Variants in NEDD9 observed in about 807,000 individuals in gnomAD.
The protein encoded by NEDD9 is neural precursor cell expressed, developmentally down-regulated 9.
In NEDD9, 26 loss-of-function variants were observed where a neutral mutation model predicts 76.6. The observed-to-expected ratio is 0.34, with a 90% CI of 0.25 to 0.47. The LOEUF is 0.47. Among genes scored for constraint, NEDD9 ranks in the 20% least tolerant of loss-of-function variants. NEDD9 has a pLI of 1.00. For synonymous variants in NEDD9, 392 were observed against 414.2 expected (o/e 0.95, Z 0.65); for missense variants, 937 against 1,058.5 (o/e 0.89, Z 1.59).
chr6:11,319,687 GACACTCACACAAACATGC>G (rs1761722179), intron 2 of NEDD9, among the ~76,000 whole-genome samples: 2 of 81,108 alleles, frequency 2.5e-5, no homozygotes, highest in Non-Finnish European at 4.7e-5. Flanking sequence ...CACAAACATG[GACACTCACACAAACATGC>G]ACACACAAAC....
intron 1 of NEDD9, among the ~76,000 whole-genome samples, chr6:11,362,517 G>T (rs4713464): frequency 0.36 from 55,439 of 152,030 alleles, 10,674 homozygotes; most frequent in Admixed American, 0.41. Flanking sequence ...TATATTCTAT[G>T]AGCTTCACAT....
At chr6:11,344,898 T>C (rs949145627) in intron 1 of NEDD9, among the ~76,000 whole-genome samples, 2 of 152,072 alleles carry the variant, frequency 1.3e-5, no homozygotes, top group African/African-American at 4.8e-5. Context: ...TGGGAACAGG[T>C]GTGGAAAAGA....
intron 2 of NEDD9, among the ~76,000 whole-genome samples, chr6:11,332,752 G>A (rs114953022): frequency 4.1e-4 from 62 of 152,286 alleles, no homozygotes; most frequent in African/African-American, 1.5e-3. Flanking sequence ...GCAATGGCAC[G>A]TTCTCAGCAT....
At chr6:11,349,578 C>A (rs748239850) in intron 1 of NEDD9, among the ~76,000 whole-genome samples, 1 of 152,116 alleles carries the variant, frequency 6.6e-6, no homozygotes, top group Admixed American at 6.5e-5. Context: ...CACCATGGAA[C>A]GCTATGCAGC....
chr6:11,333,308 G>A (rs1050155338), intron 2 of NEDD9, among the ~76,000 whole-genome samples: 16 of 152,316 alleles, frequency 1.1e-4, no homozygotes, highest in Admixed American at 7.8e-4. Flanking sequence ...GCACAGGAGC[G>A]TAGGAGAGTT....
chr6:11,302,030 G>GGA (rs1350932698), intron 3 of NEDD9, among the ~76,000 whole-genome samples: 1 of 152,076 alleles, frequency 6.6e-6, no homozygotes, highest in African/African-American at 2.4e-5. Context: ...CAGAACTGAA[G>GGA]GAGAGAGAGA....
rs376141734 is a variant in NEDD9 at position 11,344,336 on chromosome 6, G to GTT, written c.-213-9777_-213-9776dup. ...TTGGAAAGTCCCCGTTGTTGAAGAT[G>GTT]TTTATCCTGGAGAAAGAGGGCACCT... is the stretch of plus-strand genomic sequence containing the variant. On this transcript the variant is annotated intron_variant, in intron 1 of 3. Coordinates refer to the NEDD9 transcript ENST00000397378. 2.1e-3 allele frequency among the ~76,000 whole-genome samples: 322 copies of GTT among 152,300 alleles called. 4 individuals are homozygous for GTT. Among genetic ancestry groups the GTT allele is most frequent in the African/African-American group, 7.1e-3 (296 of 41,564 alleles).
At chr6:11,207,016 A>G (rs1240495078) in intron 2 of NEDD9, among the ~76,000 whole-genome samples, 1 of 152,244 alleles carries the variant, frequency 6.6e-6, no homozygotes, top group African/African-American at 2.4e-5. Flanking sequence ...GAAATGTACA[A>G]TTCTGGAACA....
rs1234315363 is a variant in NEDD9 at position 11,220,002 on chromosome 6, G to T, written c.13-6275C>A. On this transcript the variant is annotated intron_variant, in intron 1 of 6. Coordinates refer to ENST00000379446, the MANE Select transcript of NEDD9 (RefSeq NM_006403.4). ...CACAGGCATGAAGCTTTCAATACAG[G>T]AGACAGAAGATATGATAAGTTATGA... 2.6e-5 allele frequency among the ~76,000 whole-genome samples: 4 copies of T among 152,286 alleles called. No individual in the cohort carries two copies. The East Asian group carries it at 7.7e-4, about 29-fold the overall frequency.
intron 1 of NEDD9, among the ~76,000 whole-genome samples, chr6:11,336,963 G>A (rs561114577): frequency 1.3e-5 from 2 of 152,270 alleles, no homozygotes; most frequent in East Asian, 3.9e-4. Context: ...GCTCACACCT[G>A]TAATCTCAGC....
intron 2 of NEDD9, among the ~76,000 whole-genome samples, chr6:11,333,187 A>G (rs1447777769): frequency 2.6e-5 from 4 of 152,210 alleles, no homozygotes; most frequent in Admixed American, 1.3e-4. Flanking sequence ...CACAAAGAAG[A>G]AAGTGAAATA....
At chr6:11,208,693 G>A (rs779859879) in intron 2 of NEDD9, among the ~76,000 whole-genome samples, 1 of 152,124 alleles carries the variant, frequency 6.6e-6, no homozygotes, top group Admixed American at 6.5e-5. Context: ...TTCAGAAAGA[G>A]GTACAACAAA....
At chr6:11,344,538 C>T (rs1676065699) in intron 1 of NEDD9, among the ~76,000 whole-genome samples, 1 of 152,242 alleles carries the variant, frequency 6.6e-6, no homozygotes, top group African/African-American at 2.4e-5. Flanking sequence ...TTCCAATCTA[C>T]AAAGTCATGT....
intron 3 of NEDD9, among the ~76,000 whole-genome samples, chr6:11,255,694 C>G (rs2113313561): frequency 6.6e-6 from 1 of 152,198 alleles, no homozygotes; most frequent in African/African-American, 2.4e-5. Flanking sequence ...ATCCACATAG[C>G]CGCTGGAGCC....
chr6:11,375,009 G>A (rs1317822675), intron 1 of NEDD9, among the ~76,000 whole-genome samples: 1 of 152,024 alleles, frequency 6.6e-6, no homozygotes, highest in Non-Finnish European at 1.5e-5. Context: ...GCTAAAACCT[G>A]CTTCTAACTT....
chr6:11,279,558 G>C (rs1443883928), intron 3 of NEDD9, among the ~76,000 whole-genome samples: 1 of 152,208 alleles, frequency 6.6e-6, no homozygotes, highest in Non-Finnish European at 1.5e-5. Context: ...CCAACAATCT[G>C]TTCCTGACAG....
At chr6:11,354,634 C>T (rs776929692) in intron 1 of NEDD9, among the ~76,000 whole-genome samples, 1 of 152,310 alleles carries the variant, frequency 6.6e-6, no homozygotes, top group Admixed American at 6.5e-5. Flanking sequence ...ACCTACCCAG[C>T]ATCTGTTCCT....
At chr6:11,223,704 G>A (rs1759217576) in intron 1 of NEDD9, among the ~76,000 whole-genome samples, 2 of 152,228 alleles carry the variant, frequency 1.3e-5, no homozygotes, top group Admixed American at 1.3e-4. Context: ...TTTAAAGCAA[G>A]AACAATTGGA....
intron 1 of NEDD9, among the ~76,000 whole-genome samples, chr6:11,334,767 A>C (rs1041010116): frequency 2.0e-5 from 3 of 150,462 alleles, no homozygotes; most frequent in Admixed American, 6.6e-5. Context: ...GATGTTAAAC[A>C]AAAAGCAAAT....
Sources: gnomAD v4.1 joint callset for allele counts (sites outside exome capture counted in the v4.1 genomes callset) on GRCh38, gnomAD v4.1.1 for gene constraint, MANE v1.5 for transcripts, NCBI Gene and HGNC (gene_info 2026-07-23, HGNC 2026-07-21) for gene names.